The following ELL2 variants were observed in gnomAD, a reference collection of about 807,000 sequenced individuals.
ELL2 encodes the protein elongation factor for RNA polymerase II 2.
A neutral mutation model predicts 72.8 loss-of-function variants in ELL2; 21 were observed. The ratio of observed to expected loss-of-function variants is 0.29; its 90% CI spans 0.20 to 0.42. The LOEUF (loss-of-function observed/expected upper bound fraction) is 0.42. Ranked by LOEUF, ELL2 falls within the 10% of genes least tolerant of loss-of-function variation. The pLI, the probability that ELL2 is intolerant of heterozygous loss-of-function variation, is 1.00. For missense variants in ELL2, 568 were observed against 772.8 expected, an observed-to-expected ratio of 0.73 and a Z score of 3.14; for synonymous variants, 266 against 283.2, an observed-to-expected ratio of 0.94 and a Z score of 0.61.
At chr5:95,899,668 A>G (rs1749056858) in intron 7 of ELL2, among the ~76,000 whole-genome samples, 1 of 152,230 alleles carries the variant, frequency 6.6e-6, no homozygotes, top group African/African-American at 2.4e-5. Context: ...GTAATGCTGT[A>G]GCTTGTATTC....
At chr5:95,907,293 TA>T (rs200196126) in intron 4 of ELL2, among the ~76,000 whole-genome samples, 1 of 128,114 alleles carries the variant, frequency 7.8e-6, no homozygotes. Flanking sequence ...TATATATATA[TA>T]TATTTTTTTT....
intron 5 of ELL2, 105 bp from the exon 6 acceptor site, chr5:95,901,185 GC>G: frequency 1.6e-6 from 2 of 1,252,176 alleles, no homozygotes; most frequent in Non-Finnish European, 2.2e-6. Flanking sequence ...ACATCAATTG[GC>G]CCCAAAGGGA....
chr5:95,943,266 T>TAA (rs201799289), intron 1 of ELL2, among the ~76,000 whole-genome samples: 11 of 141,386 alleles, frequency 7.8e-5, no homozygotes, highest in South Asian at 2.2e-4. Context: ...CATCTCTATT[T>TAA]AAAAAAAAAA....
chr5:95,898,649 G>A lies in ELL2; in HGVS notation c.1116C>T (p.Ile372=), dbSNP rs991704610. The change falls in exon 8 of 12, where the codon ATC becomes ATT. Residue 372 remains isoleucine, a synonymous_variant. Coordinates refer to ENST00000237853, the MANE Select transcript of ELL2 (RefSeq NM_012081.6). ...TTGAAGGCAGCGGTGGAGGGGTAGG[G>A]ATGGCAGCAGCCGCAGGGGGCAGCG... ...GLPLPPAAAA[I]PTPPPLPSTY... 9.3e-6 allele frequency: 15 copies of A among 1,612,600 alleles called. No homozygotes were observed. Among genetic ancestry groups the A allele is most frequent in the African/African-American group, 1.3e-5 (1 of 74,824 alleles).
intron 9 of ELL2, among the ~76,000 whole-genome samples, chr5:95,892,693 T>C (rs766316691): frequency 6.6e-6 from 1 of 152,210 alleles, no homozygotes; most frequent in Non-Finnish European, 1.5e-5. Context: ...AATGGTCTTA[T>C]ATAAGCCCAT....
At chr5:95,949,788 G>T (rs185738128) in intron 1 of ELL2, among the ~76,000 whole-genome samples, 1 of 152,112 alleles carries the variant, frequency 6.6e-6, no homozygotes, top group East Asian at 1.9e-4. Flanking sequence ...GATGGTTCAA[G>T]TGAGTACTTA....
Position 95,898,514 on chromosome 5 carries a change from T to C in ELL2, c.1251A>G (p.Gln417=), listed in dbSNP as rs1297948124. 1 of 1,614,188 alleles carries C rather than the reference T, an allele frequency of 6.2e-7. No homozygotes were observed. The highest frequency in any genetic ancestry group is 8.5e-7 in the Non-Finnish European group (1 of 1,180,050). ...TQDLPVDSFS[Q]NDSIYEDQQD... is the part of the protein sequence containing the mutation. Reference sequence around the variant, plus strand: ...GCTGGTCCTCATAGATACTATCGTTTTGACTAAAACTGTCAACAGGTAGGT... The same window carrying C: ...GCTGGTCCTCATAGATACTATCGTTCTGACTAAAACTGTCAACAGGTAGGT... Residue 417 remains glutamine, a synonymous_variant, in exon 8 of 12, where the codon CAA becomes CAG. Coordinates refer to ENST00000237853, the MANE Select transcript of ELL2 (RefSeq NM_012081.6).
chr5:95,931,924 T>C (rs1204195782), intron 2 of ELL2, among the ~76,000 whole-genome samples: 1 of 149,672 alleles, frequency 6.7e-6, no homozygotes, highest in African/African-American at 2.4e-5. Context: ...ACTTTATGAC[T>C]CTAAAGCATT....
At chr5:95,937,498 C>A (rs1580525120) in intron 2 of ELL2, among the ~76,000 whole-genome samples, 1 of 134,244 alleles carries the variant, frequency 7.4e-6, no homozygotes. Context: ...AGCAAGACTC[C>A]GTCTCAAAAA....
At chr5:95,916,942 C>T (rs1051517302) in intron 3 of ELL2, among the ~76,000 whole-genome samples, 1 of 152,194 alleles carries the variant, frequency 6.6e-6, no homozygotes, top group Admixed American at 6.5e-5. Context: ...GCTGAACATA[C>T]TGCCCCTCAT....
intron 5 of ELL2, among the ~76,000 whole-genome samples, chr5:95,901,671 T>C (rs1325900830): frequency 6.6e-6 from 1 of 152,216 alleles, no homozygotes; most frequent in African/African-American, 2.4e-5. Context: ...ACAAGTACTA[T>C]GATATTACAA....
At chr5:95,907,298 T>TATATA (rs1561495005) in intron 4 of ELL2, among the ~76,000 whole-genome samples, 1 of 103,476 alleles carries the variant, frequency 9.7e-6, no homozygotes, top group Admixed American at 9.8e-5. Flanking sequence ...ATATATATAT[T>TATATA]TTTTTTTTTT....
At chr5:95,889,237 G>T in intron 10 of ELL2, 107 bp from the exon 11 acceptor site, 2 of 896,684 alleles carry the variant, frequency 2.2e-6, no homozygotes, top group East Asian at 2.6e-5. Flanking sequence ...TTGACTGTGG[G>T]AATGTAACTT....
intron 4 of ELL2, among the ~76,000 whole-genome samples, chr5:95,909,943 G>GC (rs66701662): frequency 1 from 152,309 of 152,310 alleles, 76,154 homozygotes; most frequent in Non-Finnish European, 1. Context: ...CTGACCAGAA[G>GC]CCTGGCAACA....
At chr5:95,961,545 T>A in intron 1 of ELL2, 30 bp downstream of exon 1, 4 of 1,547,718 alleles carry the variant, frequency 2.6e-6, no homozygotes, top group Non-Finnish European at 3.5e-6. Flanking sequence ...TCTGCCTCTC[T>A]GAGCCCAGCC....
Position 95,941,506 on chromosome 5 carries a change from G to C in ELL2, c.195+1496C>G, listed in dbSNP as rs146926359. On this transcript the variant is annotated intron_variant, in intron 2 of 11. Coordinates refer to ENST00000237853, the MANE Select transcript of ELL2 (RefSeq NM_012081.6). The stretch of plus-strand genomic sequence containing the variant: ...TAAAAACTGCAAGGGTCAGAATGGA[G>C]AGTTTGGAAGCCTGCACATATTGGT... Among the ~76,000 whole-genome samples the C allele has an allele frequency of 5.9e-3, 898 of 152,284 alleles. 12 individuals are homozygous for C. The highest frequency in any genetic ancestry group is 0.02 in the African/African-American group (844 of 41,556).
At chr5:95,958,903 A>T (rs1751713924) in intron 1 of ELL2, among the ~76,000 whole-genome samples, 1 of 137,186 alleles carries the variant, frequency 7.3e-6, no homozygotes, top group Non-Finnish European at 1.6e-5. Flanking sequence ...TTAAAAAGTA[A>T]TTTTTTTTTT....
intron 2 of ELL2, among the ~76,000 whole-genome samples, chr5:95,926,928 C>CA (rs1561503734): frequency 6.6e-6 from 1 of 152,134 alleles, no homozygotes; most frequent in Admixed American, 6.5e-5. Flanking sequence ...ACTGAAATTA[C>CA]AAAAAACTAC....
chr5:95,894,115 G>A (rs1748773375), intron 9 of ELL2, among the ~76,000 whole-genome samples: 1 of 152,314 alleles, frequency 6.6e-6, no homozygotes, highest in East Asian at 1.9e-4. Flanking sequence ...ACCCAGGCGT[G>A]GTAGTGGGCG....
Sources: gnomAD v4.1 joint callset for allele counts (sites outside exome capture counted in the v4.1 genomes callset) on GRCh38, gnomAD v4.1.1 for gene constraint, MANE v1.5 for transcripts, NCBI Gene and HGNC (gene_info 2026-07-23, HGNC 2026-07-21) for gene names.